The following DNM3 variants were observed in gnomAD, a reference collection of about 807,000 sequenced individuals.
The protein encoded by DNM3 is dynamin 3.
A neutral mutation model predicts 101.6 loss-of-function variants in DNM3; 47 were observed. The ratio of observed to expected loss-of-function variants is 0.46; its 90% CI spans 0.37 to 0.59. The LOEUF is 0.59. DNM3 is among the 20% of genes least tolerant of loss of function. DNM3 has a pLI of 0.00. For synonymous variants in DNM3, 385 were observed against 387.9 expected (o/e 0.99, Z 0.09); for missense variants, 849 against 1,085.7 (o/e 0.78, Z 3.06).
chr1:172,209,719 C>A (rs1467420681), intron 14 of DNM3, among the ~76,000 whole-genome samples: 2 of 151,998 alleles, frequency 1.3e-5, no homozygotes, highest in African/African-American at 2.4e-5. Context: ...AACCAGTGAG[C>A]CATACATTAC....
intron 15 of DNM3, among the ~76,000 whole-genome samples, chr1:172,286,096 T>C (rs904134220): frequency 1.3e-5 from 2 of 149,650 alleles, no homozygotes; most frequent in Non-Finnish European, 3.0e-5. Context: ...ACTATTATCA[T>C]TTAGTCATTA....
chr1:172,229,102 C>T (rs2061242116), intron 14 of DNM3, among the ~76,000 whole-genome samples: 1 of 152,072 alleles, frequency 6.6e-6, no homozygotes, highest in South Asian at 2.1e-4. Context: ...ACGAGTTAGG[C>T]TTTCATTATT....
intron 1 of DNM3, among the ~76,000 whole-genome samples, chr1:171,912,699 A>C (rs2039405318): frequency 1.3e-5 from 2 of 152,190 alleles, no homozygotes; most frequent in African/African-American, 4.8e-5. Flanking sequence ...ATTACATCTT[A>C]CTGGGTAGAA....
At chr1:172,173,401 A>G (rs955709858) in intron 14 of DNM3, among the ~76,000 whole-genome samples, 1 of 151,630 alleles carries the variant, frequency 6.6e-6, no homozygotes, top group Non-Finnish European at 1.5e-5. Flanking sequence ...TAATTATTTC[A>G]GTTTTGGATA....
At chr1:172,390,944 G>A (rs2069489272) in intron 20 of DNM3, among the ~76,000 whole-genome samples, 1 of 152,182 alleles carries the variant, frequency 6.6e-6, no homozygotes, top group Non-Finnish European at 1.5e-5. Flanking sequence ...GGTTTCAGAT[G>A]AGCTAGCTTG....
At chr1:171,918,443 G>A (rs2039894870) in intron 1 of DNM3, among the ~76,000 whole-genome samples, 1 of 152,124 alleles carries the variant, frequency 6.6e-6, no homozygotes, top group Non-Finnish European at 1.5e-5. Flanking sequence ...AGTGTGCTGG[G>A]CATATGGTTT....
intron 8 of DNM3, 112 bp downstream of exon 8, chr1:172,042,256 C>G: frequency 1.0e-6 from 1 of 967,976 alleles, no homozygotes. Context: ...GTTCTTTGAA[C>G]AAAACCTCCA....
chr1:172,317,908 A>T (rs370931455), intron 16 of DNM3, among the ~76,000 whole-genome samples: 3 of 152,248 alleles, frequency 2.0e-5, no homozygotes, highest in Non-Finnish European at 2.9e-5. Flanking sequence ...TCATCCTGAT[A>T]TCAAAGCCTG....
At chr1:172,046,446 C>G (rs1040700959) in intron 9 of DNM3, among the ~76,000 whole-genome samples, 2 of 151,880 alleles carry the variant, frequency 1.3e-5, no homozygotes, top group Non-Finnish European at 2.9e-5. Flanking sequence ...AGGAGATATA[C>G]CTAATGCTAA....
At chr1:172,001,735 G>T (rs544999619) in intron 4 of DNM3, among the ~76,000 whole-genome samples, 1 of 152,122 alleles carries the variant, frequency 6.6e-6, no homozygotes, top group East Asian at 1.9e-4. Flanking sequence ...GATGAAATTC[G>T]TGAATTGGGC....
At chr1:172,406,677 A>AT (rs542581188) in intron 20 of DNM3, among the ~76,000 whole-genome samples, 5 of 151,962 alleles carry the variant, frequency 3.3e-5, no homozygotes, top group Non-Finnish European at 5.9e-5. Flanking sequence ...TTCAACAACT[A>AT]TTTTTTTCAA....
chr1:171,974,251 T>C lies in DNM3; in HGVS notation c.236-13405T>C, dbSNP rs79287328. Reference sequence around the variant, plus strand: ...TCACTGAGTAGTCACTACACTGTTATTGAAATTGCAGTTTTCATTGTGATC... The same window carrying C: ...TCACTGAGTAGTCACTACACTGTTACTGAAATTGCAGTTTTCATTGTGATC... On this transcript the variant is annotated intron_variant, in intron 2 of 20. Transcript: ENST00000627582. Among the ~76,000 whole-genome samples the C allele has an allele frequency of 4.7e-3, 717 of 152,330 alleles. 4 individuals carry two copies. Among genetic ancestry groups the C allele is most frequent in the African/African-American group, 0.017 (696 of 41,576 alleles).
chr1:172,400,414 AAGG>A (rs1460496511), intron 20 of DNM3, among the ~76,000 whole-genome samples: 1 of 151,612 alleles, frequency 6.6e-6, no homozygotes, highest in Non-Finnish European at 1.5e-5. Context: ...GATAGGAAGA[AAGG>A]AGGGAAGGAG....
rs534182968 is a variant in DNM3, at chr1:172,047,088, C to G, written c.1197-1524C>G. Reference sequence around the variant, plus strand: ...CATACTCATGGTATGCTTATTTAGGCCTTTAAATATATATTTGGTTTGACA... The same window carrying G: ...CATACTCATGGTATGCTTATTTAGGGCTTTAAATATATATTTGGTTTGACA... On this transcript the variant is annotated intron_variant, in intron 9 of 20. Transcript: ENST00000627582. Among the ~76,000 whole-genome samples the G allele has an allele frequency of 1.1e-3, 164 of 152,096 alleles. 1 individual carries two copies. The highest frequency in any genetic ancestry group is 3.5e-3 in the South Asian group (17 of 4,812).
intron 15 of DNM3, among the ~76,000 whole-genome samples, chr1:172,254,148 C>A (rs951377454): frequency 3.3e-5 from 5 of 152,056 alleles, no homozygotes; most frequent in Non-Finnish European, 7.4e-5. Context: ...TGACCTCAAA[C>A]TACCTGGGTG....
intron 14 of DNM3, among the ~76,000 whole-genome samples, chr1:172,215,259 A>G (rs908006066): frequency 6.6e-6 from 1 of 152,108 alleles, no homozygotes; most frequent in African/African-American, 2.4e-5. Context: ...GGCTTCTGGA[A>G]CATATAAAAT....
At chr1:172,232,736 A>T (rs1434077971) in intron 14 of DNM3, among the ~76,000 whole-genome samples, 1 of 152,274 alleles carries the variant, frequency 6.6e-6, no homozygotes, top group East Asian at 1.9e-4. Context: ...TAAGAAACTC[A>T]CTCAAAACCG....
intron 15 of DNM3, among the ~76,000 whole-genome samples, chr1:172,307,725 G>A (rs1008360725): frequency 6.6e-6 from 1 of 152,176 alleles, no homozygotes; most frequent in Non-Finnish European, 1.5e-5. Flanking sequence ...CTTTTGCAGG[G>A]ACATGCATGA....
intron 15 of DNM3, among the ~76,000 whole-genome samples, chr1:172,255,390 T>C (rs2062357036): frequency 6.6e-6 from 1 of 152,118 alleles, no homozygotes; most frequent in South Asian, 2.1e-4. Context: ...GTGCTCAGCC[T>C]TCTTGCCTAG....
Sources: allele counts gnomAD v4.1 joint callset (sites outside exome capture counted in the v4.1 genomes callset), GRCh38; gene constraint gnomAD v4.1.1; transcripts MANE v1.5; gene names NCBI Gene and HGNC (gene_info 2026-07-23, HGNC 2026-07-21).